Variants in RIOX2 observed in about 807,000 individuals in gnomAD.
RIOX2 encodes the protein ribosomal oxygenase 2.
Under a neutral mutation model 51.2 loss-of-function variants are expected in RIOX2, and 43 were observed. The ratio of observed to expected loss-of-function variants is 0.84; its 90% CI spans 0.66 to 1.08. The LOEUF is 1.08. RIOX2 is among the 50% of genes least tolerant of loss of function. RIOX2 has a pLI of 0.00. For synonymous variants in RIOX2, 226 were observed against 218.5 expected, an observed-to-expected ratio of 1.03 and a Z score of -0.30; for missense variants, 566 against 561.7, an observed-to-expected ratio of 1.01 and a Z score of -0.08.
At position 97,967,289 on chromosome 3, in the gene RIOX2, A is replaced by C. The variant is rs774885419; in HGVS notation, c.305T>G (p.Val102Gly). 27 of 1,614,112 alleles carry C rather than the reference A, an allele frequency of 1.7e-5. No homozygotes were observed. Among genetic ancestry groups the C allele is most frequent in the Non-Finnish European group, 2.2e-5 (26 of 1,180,054 alleles). Reference protein sequence around the residue: ...RGMYYGRDVNVCRCVNGKKKV... With the variant: ...RGMYYGRDVNGCRCVNGKKKV... ...CTTCTTCCCATTGACACACCGGCAG[A>C]CATTCACATCTCTTCCATAGTACAT... Residue 102 changes from valine (V) to glycine (G), a missense_variant, in exon 2 of 10, where the codon GTC becomes GGC. Transcript: ENST00000394198.
In RIOX2 at chr3:97,942,460, AC is replaced by A; in HGVS notation, c.*2723del. The A allele has an allele frequency of 1.3e-6, 2 of 1,598,232 alleles. No homozygotes were observed. Among genetic ancestry groups the A allele is most frequent in the Non-Finnish European group, 1.7e-6 (2 of 1,170,876 alleles). ...ATGTTAAAGGTGGGCCTTTGATGAT[AC>A]CCAATGTTGTGTCCCTGGATATTAG... On this transcript the variant is annotated 3_prime_UTR_variant, in exon 10 of 10. Transcript: ENST00000394198.
At chr3:97,949,638 T>C (rs1705162887) in intron 7 of RIOX2, among the ~76,000 whole-genome samples, 1 of 152,144 alleles carries the variant, frequency 6.6e-6, no homozygotes, top group Admixed American at 6.5e-5. Flanking sequence ...GGATACAAGT[T>C]CTTTCCAAAT....
At chr3:97,959,306 G>GTTTTTTTTTTTTTT (rs67345115) in intron 3 of RIOX2, 127 bp from the exon 4 acceptor site, 1 of 222,426 alleles carries the variant, frequency 4.5e-6, no homozygotes, top group African/African-American at 3.2e-5. Context: ...AACAACACAG[G>GTTTTTTTTTTTTTT]TTTTTTTTTT....
chr3:97,950,747 A>G (rs778726047), intron 6 of RIOX2, 39 bp downstream of exon 6: 1 of 1,537,148 alleles, frequency 6.5e-7, no homozygotes, highest in Non-Finnish European at 9.0e-7. Flanking sequence ...CCTGGGCTGC[A>G]GCTACCATCC....
At chr3:97,956,790 C>A (rs1705467593) in intron 4 of RIOX2, among the ~76,000 whole-genome samples, 1 of 152,050 alleles carries the variant, frequency 6.6e-6, no homozygotes, top group African/African-American at 2.4e-5. Flanking sequence ...CCACCGCACC[C>A]CGCCTAAAGA....
chr3:97,954,971 T>G (rs555901145), intron 4 of RIOX2, among the ~76,000 whole-genome samples: 1 of 152,198 alleles, frequency 6.6e-6, no homozygotes, highest in African/African-American at 2.4e-5. Flanking sequence ...TGAAGTTTAA[T>G]AGCCCCAAAC....
intron 2 of RIOX2, among the ~76,000 whole-genome samples, chr3:97,965,749 C>A (rs1705868113): frequency 6.6e-6 from 1 of 152,208 alleles, no homozygotes; most frequent in Admixed American, 6.5e-5. Context: ...GTGGATACCA[C>A]ACATATGCCA....
chr3:97,953,508 T>G (rs1705326276), intron 5 of RIOX2, among the ~76,000 whole-genome samples: 1 of 151,730 alleles, frequency 6.6e-6, no homozygotes, highest in Admixed American at 6.6e-5. Flanking sequence ...ACCTCCAGAG[T>G]AGCTGGGATT....
intron 1 of RIOX2, among the ~76,000 whole-genome samples, chr3:97,971,401 A>G (rs1706125497): frequency 6.6e-6 from 1 of 152,226 alleles, no homozygotes. Context: ...AACGCAGCTC[A>G]GTTAAACACA....
chr3:97,942,619 C>A lies in RIOX2; in HGVS notation c.*2565G>T. 1.7e-6 allele frequency: 1 copy of A among 582,296 alleles called. No homozygotes were observed. Among genetic ancestry groups the A allele is most frequent in the Non-Finnish European group, 2.9e-6 (1 of 349,570 alleles). The allele number at this position is 582,296 out of a possible 1,614,324, so 36.1% of individuals were successfully genotyped here. On this transcript the variant is annotated 3_prime_UTR_variant, in exon 10 of 10. Coordinates refer to ENST00000394198, the MANE Select transcript of RIOX2 (RefSeq NM_153182.4). ...CAAACAAAACAATTAGCAGAAAAAG[C>A]CAAACAACAAAGCTTAGGGTTTTTG...
At chr3:97,964,507 G>A (rs554638897) in intron 2 of RIOX2, among the ~76,000 whole-genome samples, 19 of 151,502 alleles carry the variant, frequency 1.3e-4, no homozygotes, top group Middle Eastern at 3.4e-3. Flanking sequence ...TGGCCAACAT[G>A]GTGAAACCCC....
chr3:97,959,638 G>C (rs1705598133), intron 3 of RIOX2, among the ~76,000 whole-genome samples: 1 of 152,124 alleles, frequency 6.6e-6, no homozygotes, highest in African/African-American at 2.4e-5. Context: ...GAACCGTGCA[G>C]GTCCGCTTAT....
chr3:97,952,217 C>T, intron 5 of RIOX2: 1 of 1,289,792 alleles, frequency 7.8e-7, no homozygotes, highest in Non-Finnish European at 1.0e-6. Flanking sequence ...AGCAATGGCC[C>T]TCAAGTCACA....
intron 1 of RIOX2, chr3:97,971,505 A>T (rs1266917234): frequency 6.6e-6 from 1 of 152,206 alleles, no homozygotes; most frequent in Non-Finnish European, 1.5e-5. Context: ...ATCAATCCAG[A>T]GGGAAAACTG....
At position 97,962,362 on chromosome 3, in the gene RIOX2, C is replaced by G. The variant is rs1345275454; in HGVS notation, c.433-654G>C. On this transcript the variant is annotated intron_variant, in intron 2 of 9. Transcript: ENST00000394198. ...TTAAGTTTGGAATGCTAAGACCCCCCCCCCCCCCCCCACATGGAGATGTCT... is the reference window on the plus strand; with the variant it reads ...TTAAGTTTGGAATGCTAAGACCCCCGCCCCCCCCCCCACATGGAGATGTCT... Among the ~76,000 whole-genome samples the G allele has an allele frequency of 5.1e-4, 59 of 114,776 alleles. 1 individual carries two copies. Among genetic ancestry groups the G allele is most frequent in the Non-Finnish European group, 4.5e-4 (24 of 52,876 alleles). 75.3% of individuals were successfully genotyped at this position (114,776 alleles called of 152,430 possible).
intron 7 of RIOX2, 88 bp downstream of exon 7, chr3:97,949,756 C>G (rs772256558): frequency 4.2e-5 from 50 of 1,199,954 alleles, no homozygotes; most frequent in Non-Finnish European, 5.7e-5. Flanking sequence ...TTCATACTTT[C>G]CATCTGTTCA....
intron 5 of RIOX2, 170 bp from the exon 6 acceptor site, chr3:97,951,058 A>G (rs1374801918): frequency 3.5e-6 from 2 of 567,282 alleles, no homozygotes; most frequent in Non-Finnish European, 6.3e-6. Flanking sequence ...GAAATCTAAG[A>G]CCTTCATCAA....
chr3:97,954,511 G>C lies in RIOX2; in HGVS notation c.682-16C>G, dbSNP rs1189197780. ...AATCACCCGGCTAAAGGAAGGAATA[G>C]GAAAGGGTAGAGAAGTTAATAAGTA... On this transcript the variant is annotated splice_polypyrimidine_tract_variant and intron_variant, in intron 4 of 9. Coordinates refer to ENST00000394198, the MANE Select transcript of RIOX2 (RefSeq NM_153182.4). 6.2e-7 allele frequency: 1 copy of C among 1,601,436 alleles called. No homozygotes were observed. Among genetic ancestry groups the C allele is most frequent in the Non-Finnish European group, 8.6e-7 (1 of 1,169,056 alleles).
chr3:97,954,367 T>TGTGCAGCTTA, intron 5 of RIOX2, 25 bp downstream of exon 5: 1 of 1,535,906 alleles, frequency 6.5e-7, no homozygotes, highest in Non-Finnish European at 9.0e-7. Flanking sequence ...TGTCCTAGCA[T>TGTGCAGCTTA]GTGCAGCTGG....
Sources: gnomAD v4.1 joint callset for allele counts (sites outside exome capture counted in the v4.1 genomes callset) on GRCh38, gnomAD v4.1.1 for gene constraint, MANE v1.5 for transcripts, NCBI Gene and HGNC (gene_info 2026-07-23, HGNC 2026-07-21) for gene names.